HYCC2: variants seen among roughly 807,000 people sequenced by gnomAD.
The protein encoded by HYCC2 is hyccin 2.
the HYCC2 span, chr2:201,045,574 G>T: frequency 2.5e-6 from 1 of 398,114 alleles, no homozygotes. Flanking sequence ...CATTTGTTAA[G>T]AGTTAAATAT....
the HYCC2 span, among the ~76,000 whole-genome samples, chr2:201,013,479 CAA>C: frequency 7.4e-3 from 493 of 66,240 alleles, 2 homozygotes; most frequent in African/African-American, 0.022. Flanking sequence ...CACTCCATTT[CAA>C]AAAAAAAAAA....
the HYCC2 span, among the ~76,000 whole-genome samples, chr2:201,064,884 C>T: frequency 6.6e-6 from 1 of 152,182 alleles, no homozygotes; most frequent in African/African-American, 2.4e-5. Context: ...GTACCCTTTG[C>T]CCATTTTCCC....
At chr2:201,053,312 G>A in the HYCC2 span, among the ~76,000 whole-genome samples, 5 of 151,980 alleles carry the variant, frequency 3.3e-5, no homozygotes, top group African/African-American at 7.3e-5. Context: ...TAGTAGAAGC[G>A]GGGTTTCACC....
the HYCC2 span, chr2:200,997,001 C>T: frequency 6.5e-6 from 1 of 153,616 alleles, no homozygotes; most frequent in East Asian, 1.9e-4. Flanking sequence ...TGGTGGCTCA[C>T]ACCTGTACTC....
the HYCC2 span, among the ~76,000 whole-genome samples, chr2:201,054,028 G>C: frequency 6.6e-6 from 1 of 152,038 alleles, no homozygotes; most frequent in Non-Finnish European, 1.5e-5. Flanking sequence ...AGAAAAGCTG[G>C]GGAATGAGAT....
At chr2:200,985,163 T>G in the HYCC2 span, among the ~76,000 whole-genome samples, 3 of 152,154 alleles carry the variant, frequency 2.0e-5, no homozygotes, top group Admixed American at 1.3e-4. Context: ...TCAAAACATT[T>G]TTCCTTTGTA....
the HYCC2 span, among the ~76,000 whole-genome samples, chr2:201,008,638 T>C: frequency 6.7e-6 from 1 of 149,708 alleles, no homozygotes; most frequent in Non-Finnish European, 1.5e-5. Flanking sequence ...CTCATGCCTA[T>C]AATCTCAGCA....
the HYCC2 span, among the ~76,000 whole-genome samples, chr2:201,045,900 C>T: frequency 4.6e-5 from 7 of 151,916 alleles, no homozygotes; most frequent in Admixed American, 2.0e-4. Flanking sequence ...AAATTAAGTC[C>T]CTTCCAGACA....
chr2:201,011,147 AAAAC>A, the HYCC2 span, among the ~76,000 whole-genome samples: 8 of 152,252 alleles, frequency 5.3e-5, no homozygotes, highest in South Asian at 2.1e-4. Context: ...TCCATCTCAA[AAAAC>A]AAACAAACAA....
At chr2:201,034,719 T>C in the HYCC2 span, among the ~76,000 whole-genome samples, 1 of 152,246 alleles carries the variant, frequency 6.6e-6, no homozygotes, top group African/African-American at 2.4e-5. Context: ...CTTTACAATT[T>C]GGCATGTTTT....
chr2:201,027,501 G>A, the HYCC2 span, among the ~76,000 whole-genome samples: 2 of 152,060 alleles, frequency 1.3e-5, no homozygotes, highest in African/African-American at 2.4e-5. Flanking sequence ...GCCTGGCAGA[G>A]ACACAACAAA....
At chr2:201,024,003 C>T in the HYCC2 span, 5 of 1,613,084 alleles carry the variant, frequency 3.1e-6, no homozygotes, top group Admixed American at 6.7e-5. Flanking sequence ...CGGTCAGTTC[C>T]CAGCATTTTC....
At chr2:200,994,305 T>C in the HYCC2 span, among the ~76,000 whole-genome samples, 1 of 152,110 alleles carries the variant, frequency 6.6e-6, no homozygotes, top group South Asian at 2.1e-4. Flanking sequence ...TGGCCTGATC[T>C]CGGCTCACTG....
At chr2:201,042,568 C>T in the HYCC2 span, among the ~76,000 whole-genome samples, 4 of 151,544 alleles carry the variant, frequency 2.6e-5, no homozygotes, top group African/African-American at 9.7e-5. Flanking sequence ...TCTGACCAGC[C>T]GCCCCGTCTG....
the HYCC2 span, among the ~76,000 whole-genome samples, chr2:201,005,574 C>G: frequency 6.6e-6 from 1 of 152,206 alleles, no homozygotes; most frequent in Admixed American, 6.5e-5. Flanking sequence ...TTCATTCCAT[C>G]TGGCAAAATT....
At chr2:200,981,451 A>G in the HYCC2 span, 1 of 1,614,118 alleles carries the variant, frequency 6.2e-7, no homozygotes, top group African/African-American at 1.3e-5. This position sits in a 1 kb window ranked among gnomAD's most constrained non-coding sequence, Gnocchi z 4.5. Context: ...CTCAGTGCCA[A>G]CCCCAATGCT....
the HYCC2 span, among the ~76,000 whole-genome samples, chr2:201,050,704 C>T: frequency 1.3e-5 from 2 of 151,982 alleles, no homozygotes; most frequent in African/African-American, 4.8e-5. Context: ...GAGGCTGAGG[C>T]AGGCAGATCA....
the HYCC2 span, among the ~76,000 whole-genome samples, chr2:201,050,014 T>G: frequency 1.3e-4 from 20 of 151,990 alleles, no homozygotes; most frequent in African/African-American, 4.8e-4. Context: ...ACTACATTCC[T>G]AAATTATCTA....
chr2:201,028,318 C>CA, the HYCC2 span, among the ~76,000 whole-genome samples: 3 of 151,840 alleles, frequency 2.0e-5, no homozygotes, highest in Non-Finnish European at 2.9e-5. Context: ...AAAGAGGGCA[C>CA]AAAAAAATGG....
Sources: allele counts gnomAD v4.1 joint callset (sites outside exome capture counted in the v4.1 genomes callset), GRCh38; gene constraint gnomAD v4.1.1; non-coding constraint Gnocchi (gnomAD v3.1); transcripts MANE v1.5; gene names NCBI Gene and HGNC (gene_info 2026-07-23, HGNC 2026-07-21).